DCSTAMP: variants seen among roughly 807,000 people sequenced by gnomAD.
The protein encoded by DCSTAMP is dendritic cell-specific transmembrane protein.
DCSTAMP carries 25 observed loss-of-function variants against 33.8 expected under a neutral mutation model. That is an observed-to-expected ratio of 0.74 (90% CI 0.54 to 1.03). The LOEUF (loss-of-function observed/expected upper bound fraction) is 1.03, where lower values mean the gene tolerates loss of function less well. DCSTAMP is among the 50% of genes least tolerant of loss of function. The pLI is 0.00. For missense variants in DCSTAMP, 531 were observed against 556.8 expected (o/e 0.95, Z 0.47); for synonymous variants, 245 against 216.7 (o/e 1.13, Z -1.15).
Position 104,354,988 on chromosome 8 carries a change from A to T in DCSTAMP, c.1141A>T (p.Ser381Cys). The T allele has an allele frequency of 6.2e-7, 1 of 1,614,076 alleles. No homozygotes were observed. The highest frequency in any genetic ancestry group is 2.2e-5 in the East Asian group (1 of 44,888). ...FLLSETWVPL[S>C]VILLILVMLG... The stretch of plus-strand genomic sequence containing the variant: ...TCTATCTGAGACCTGGGTTCCTCTC[A>T]GTGTTATTCTTTTGATATTAGTGAT... The change falls in exon 3 of 4, where the codon AGT becomes TGT. Residue 381 changes from serine (S) to cysteine (C), a missense_variant. Ser to Cys is a moderately radical substitution (Grantham distance 112, BLOSUM62 -1). Coordinates refer to ENST00000297581, the MANE Select transcript of DCSTAMP (RefSeq NM_030788.4).
At chr8:104,355,428 G>A (rs1168207547) in intron 3 of DCSTAMP, among the ~76,000 whole-genome samples, 1 of 152,138 alleles carries the variant, frequency 6.6e-6, no homozygotes, top group Non-Finnish European at 1.5e-5. Context: ...AAGAAAGTAT[G>A]TTCAGTCATT....
chr8:104,356,323 C>CA lies in DCSTAMP; in HGVS notation c.*126dup. 2.3e-6 allele frequency: 2 copies of CA among 885,220 alleles called. No individual in the cohort carries two copies. The highest frequency in any genetic ancestry group is 3.2e-6 in the Non-Finnish European group (2 of 630,734). 54.8% of individuals were successfully genotyped at this position (885,220 alleles called of 1,614,324 possible). On this transcript the variant is annotated 3_prime_UTR_variant, in exon 4 of 4. Coordinates refer to ENST00000297581, the MANE Select transcript of DCSTAMP (RefSeq NM_030788.4). ...CAGTCCTCTCAGGAGTCTGAGTTTA[C>CA]AGAGCCAACTTGCAGCACCTGGTTA...
chr8:104,354,902 A>C lies in DCSTAMP; in HGVS notation c.1055A>C (p.His352Pro), dbSNP rs767334256. Reference protein sequence around the residue: ...GEKQGTQDIIHDSSFNISVFE... With the variant: ...GEKQGTQDIIPDSSFNISVFE... ...AAACAAGGAACTCAAGATATTATCC[A>C]TGATTCTTCCTTTAATATATCTGTG... Residue 352 changes from histidine to proline, a missense_variant, in exon 3 of 4, where the codon CAT becomes CCT. His to Pro is a moderately conservative substitution (Grantham distance 77). Transcript: ENST00000297581. The C allele has an allele frequency of 6.2e-7, 1 of 1,603,166 alleles. No homozygotes were observed. The highest frequency in any genetic ancestry group is 8.5e-7 in the Non-Finnish European group (1 of 1,172,804).
In DCSTAMP at chr8:104,349,468, A is replaced by C; in HGVS notation, c.916A>C (p.Ile306Leu). The C allele has an allele frequency of 6.2e-7, 1 of 1,614,204 alleles. No individual in the cohort carries two copies. The highest frequency in any genetic ancestry group is 1.3e-5 in the African/African-American group (1 of 75,038). Residue 306 changes from isoleucine to leucine, a missense_variant, in exon 2 of 4, where the codon ATC becomes CTC. Transcript: ENST00000297581. ...FFLPILIHLC[I>L]WVLFAAVDYL... ...CCTCCCCATACTTATCCATCTCTGC[A>C]TCTGGGTGCTGTTTGCAGCTGTAGA...
intron 1 of DCSTAMP, among the ~76,000 whole-genome samples, chr8:104,343,051 G>A (rs1391108864): frequency 6.6e-6 from 1 of 152,202 alleles, no homozygotes; most frequent in East Asian, 1.9e-4. Flanking sequence ...TCCTGGCATG[G>A]TGAATCTGCA....
intron 1 of DCSTAMP, among the ~76,000 whole-genome samples, chr8:104,347,990 T>C (rs7017400): frequency 0.011 from 1,672 of 152,096 alleles, 24 homozygotes; most frequent in African/African-American, 0.037. Context: ...AGATGCAACA[T>C]TGCTGGCTTT....
chr8:104,351,647 G>T (rs1293845946), intron 2 of DCSTAMP, among the ~76,000 whole-genome samples: 1 of 152,170 alleles, frequency 6.6e-6, no homozygotes, highest in East Asian at 1.9e-4. Context: ...TCTGGAAAAA[G>T]GGTGGGGAGT....
intron 1 of DCSTAMP, among the ~76,000 whole-genome samples, chr8:104,340,687 A>T (rs1163128847): frequency 6.6e-6 from 1 of 152,188 alleles, no homozygotes; most frequent in Non-Finnish European, 1.5e-5. Context: ...AGGAGGTGAC[A>T]TGACCTATCC....
Position 104,356,429 on chromosome 8 carries a change from G to T in DCSTAMP, c.*231G>T. 1 of 336,692 alleles carries T rather than the reference G, an allele frequency of 3.0e-6. No homozygotes were observed. Among genetic ancestry groups the T allele is most frequent in the Non-Finnish European group, 5.4e-6 (1 of 185,550 alleles). 20.9% of individuals were successfully genotyped at this position (336,692 alleles called of 1,614,324 possible). A position where few individuals can be genotyped will look rare whatever the true frequency, so the allele number is the denominator to read the frequency against. ...TGTTCCAAACAAACCACATGATCTT[G>T]CCTGTGTCACAATGTAACAAGACTC... On this transcript the variant is annotated 3_prime_UTR_variant, in exon 4 of 4. Coordinates refer to ENST00000297581, the MANE Select transcript of DCSTAMP (RefSeq NM_030788.4).
intron 1 of DCSTAMP, among the ~76,000 whole-genome samples, chr8:104,342,020 A>G (rs2099382961): frequency 6.6e-6 from 1 of 152,190 alleles, no homozygotes; most frequent in Non-Finnish European, 1.5e-5. Flanking sequence ...GATCAGGTAA[A>G]CTTTTAGATG....
intron 3 of DCSTAMP, 40 bp from the exon 4 acceptor site, chr8:104,356,084 C>T (rs1810619019): frequency 6.3e-7 from 1 of 1,578,076 alleles, no homozygotes; most frequent in Non-Finnish European, 8.6e-7. Flanking sequence ...AAAATGACTC[C>T]AACTCCAATG....
chr8:104,355,219 AG>A, intron 3 of DCSTAMP, 34 bp downstream of exon 3: 1 of 1,576,008 alleles, frequency 6.3e-7, no homozygotes, highest in Non-Finnish European at 8.6e-7. Context: ...CCTCCAATTG[AG>A]GAAGTGTTGA....
chr8:104,340,953 G>A (rs765716798), intron 1 of DCSTAMP, among the ~76,000 whole-genome samples: 3 of 152,220 alleles, frequency 2.0e-5, no homozygotes, highest in Non-Finnish European at 4.4e-5. Flanking sequence ...CTATATCTGG[G>A]CTTGTTGAGC....
chr8:104,345,047 A>C (rs986931682), intron 1 of DCSTAMP, among the ~76,000 whole-genome samples: 5 of 151,924 alleles, frequency 3.3e-5, no homozygotes, highest in Non-Finnish European at 5.9e-5. Flanking sequence ...CAATCCTCCC[A>C]CCTCAGTGTG....
At chr8:104,345,379 GCT>G (rs1238888147) in intron 1 of DCSTAMP, among the ~76,000 whole-genome samples, 4 of 152,118 alleles carry the variant, frequency 2.6e-5, no homozygotes, top group African/African-American at 9.7e-5. Flanking sequence ...CAGCCTTTGG[GCT>G]CATGGGCCGA....
chr8:104,348,017 G>T (rs746906912), intron 1 of DCSTAMP, among the ~76,000 whole-genome samples: 6 of 152,138 alleles, frequency 3.9e-5, no homozygotes, highest in Non-Finnish European at 5.9e-5. Context: ...GTGGAAAAAG[G>T]GTCCATGAGC....
In DCSTAMP at chr8:104,342,632, G is replaced by T. The variant is rs138071728; in HGVS notation, c.-13+2770G>T. ...ACTTCCTTCACTGTTTCTGGTGCTT[G>T]TCTGACCCCTGTAGGCATTTGAAAT... is the stretch of plus-strand genomic sequence containing the variant. On this transcript the variant is annotated intron_variant, in intron 1 of 3. Transcript: ENST00000297581. 3.3e-5 allele frequency among the ~76,000 whole-genome samples: 5 copies of T among 152,334 alleles called. No individual in the cohort carries two copies. In the East Asian group the frequency reaches 9.7e-4, roughly 29 times the overall value.
intron 1 of DCSTAMP, among the ~76,000 whole-genome samples, chr8:104,346,532 G>A (rs76836828): frequency 0.017 from 2,563 of 152,296 alleles, 76 homozygotes; most frequent in African/African-American, 0.059. Flanking sequence ...ATGGCCTTTT[G>A]CTGGCCCCCA....
At chr8:104,343,704 G>A (rs2099383374) in intron 1 of DCSTAMP, among the ~76,000 whole-genome samples, 1 of 152,158 alleles carries the variant, frequency 6.6e-6, no homozygotes, top group African/African-American at 2.4e-5. Context: ...ATGATTTCTG[G>A]GTGCCATGTT....
Sources: allele counts gnomAD v4.1 joint callset (sites outside exome capture counted in the v4.1 genomes callset), GRCh38; gene constraint gnomAD v4.1.1; transcripts MANE v1.5; gene names NCBI Gene and HGNC (gene_info 2026-07-23, HGNC 2026-07-21).